The following ACTR3C variants were observed in gnomAD, a reference collection of about 807,000 sequenced individuals.
ACTR3C encodes actin-related protein 3C.
A neutral mutation model predicts 26.3 loss-of-function variants in ACTR3C; 18 were observed. The ratio of observed to expected loss-of-function variants is 0.68; its 90% CI spans 0.47 to 1.01. The LOEUF is 1.01. Ranked by LOEUF, ACTR3C falls within the 50% of genes least tolerant of loss-of-function variation. The probability of loss-of-function intolerance (pLI) is 0.00; values close to 1 mark genes in which losing one functional copy is unlikely to be tolerated. For synonymous variants in ACTR3C, 55 were observed against 94.5 expected (o/e 0.58, Z 2.42); for missense variants, 184 against 250.7 (o/e 0.73, Z 1.80).
chr7:150,155,188 G>A, the ACTR3C span, among the ~76,000 whole-genome samples: 3 of 152,156 alleles, frequency 2.0e-5, no homozygotes, highest in Non-Finnish European at 2.9e-5. Context: ...GAAAATAAAT[G>A]GGGAACAGAG....
At chr7:150,317,029 T>A (rs913953424) in intron 1 of ACTR3C, among the ~76,000 whole-genome samples, 1 of 152,054 alleles carries the variant, frequency 6.6e-6, no homozygotes, top group Admixed American at 6.6e-5. Flanking sequence ...TAATCTTTTT[T>A]ATTGTTAGTA....
chr7:150,279,545 T>C (rs1835146062), intron 6 of ACTR3C, among the ~76,000 whole-genome samples: 1 of 151,012 alleles, frequency 6.6e-6, no homozygotes, highest in African/African-American at 2.5e-5. Context: ...AAAGATATTT[T>C]ATTGCTGGTC....
chr7:150,034,870 G>T, the ACTR3C span, among the ~76,000 whole-genome samples: 14 of 143,138 alleles, frequency 9.8e-5, 2 homozygotes, highest in East Asian at 2.1e-4. Flanking sequence ...GGGAACAGGG[G>T]CTGGCTCTCA....
intron 3 of ACTR3C, among the ~76,000 whole-genome samples, chr7:150,291,079 C>A (rs549911751): frequency 6.6e-6 from 1 of 152,148 alleles, no homozygotes. Flanking sequence ...ATGAGACATT[C>A]CAATTGTGTT....
At chr7:150,042,430 T>TC in the ACTR3C span, among the ~76,000 whole-genome samples, 4 of 144,704 alleles carry the variant, frequency 2.8e-5, no homozygotes, top group Non-Finnish European at 4.5e-5. Flanking sequence ...GAGGGGTGCC[T>TC]CCTCCCCTGT....
chr7:150,017,270 G>A, the ACTR3C span, among the ~76,000 whole-genome samples: 2 of 151,498 alleles, frequency 1.3e-5, no homozygotes, highest in Non-Finnish European at 2.9e-5. Context: ...CCCAGCCTGC[G>A]CTATCTCGTG....
At chr7:150,183,696 C>CAA in the ACTR3C span, among the ~76,000 whole-genome samples, 268 of 47,390 alleles carry the variant, frequency 5.7e-3, 5 homozygotes, top group African/African-American at 6.2e-3. Context: ...GTGGCTATGG[C>CAA]AAAAAAAAAA....
At chr7:150,123,623 C>A in the ACTR3C span, among the ~76,000 whole-genome samples, 1 of 147,446 alleles carries the variant, frequency 6.8e-6, no homozygotes, top group Non-Finnish European at 1.5e-5. Flanking sequence ...AAACACACAC[C>A]CCTATTGGTA....
At chr7:149,940,347 C>T in the ACTR3C span, among the ~76,000 whole-genome samples, 1 of 151,998 alleles carries the variant, frequency 6.6e-6, no homozygotes, top group Admixed American at 6.6e-5. Context: ...GATTATGTAG[C>T]CTGCTGCCTG....
the ACTR3C span, among the ~76,000 whole-genome samples, chr7:150,225,004 AGTGTGTGTGT>A: frequency 8.7e-4 from 119 of 136,272 alleles, no homozygotes; most frequent in Non-Finnish European, 1.2e-3. Context: ...CACCCCCATT[AGTGTGTGTGT>A]GTGTGTGTGT....
chr7:150,225,686 C>A, the ACTR3C span, among the ~76,000 whole-genome samples: 1 of 152,226 alleles, frequency 6.6e-6, no homozygotes, highest in Admixed American at 6.5e-5. Context: ...TTGTGTAATG[C>A]ATTTTTAATA....
chr7:150,043,807 ATAGAG>A, the ACTR3C span, among the ~76,000 whole-genome samples: 1,634 of 152,332 alleles, frequency 0.011, 31 homozygotes, highest in Admixed American at 0.049. Flanking sequence ...AAGAAAAGTA[ATAGAG>A]TAGAGTATAT....
chr7:150,196,588 T>C, the ACTR3C span, among the ~76,000 whole-genome samples: 1 of 152,230 alleles, frequency 6.6e-6, no homozygotes. Flanking sequence ...GATTGCTTTG[T>C]CTCTTGCCTT....
chr7:150,041,907 A>C, the ACTR3C span, among the ~76,000 whole-genome samples: 1 of 96,378 alleles, frequency 1.0e-5, no homozygotes, highest in African/African-American at 3.1e-5. Flanking sequence ...GGGTCCTCAG[A>C]GCCAGGGGGG....
the ACTR3C span, among the ~76,000 whole-genome samples, chr7:150,097,223 G>A: frequency 6.6e-6 from 1 of 151,450 alleles, no homozygotes; most frequent in Non-Finnish European, 1.5e-5. Flanking sequence ...AGTGTCACAT[G>A]CGCTCAGCTT....
intron 6 of ACTR3C, among the ~76,000 whole-genome samples, chr7:150,252,738 T>G (rs1323618538): frequency 6.6e-6 from 1 of 152,112 alleles, no homozygotes; most frequent in East Asian, 1.9e-4. Context: ...GAAGTACCTT[T>G]CTATTAAAAC....
At chr7:150,313,566 C>T (rs1309295081) in intron 1 of ACTR3C, among the ~76,000 whole-genome samples, 1 of 152,202 alleles carries the variant, frequency 6.6e-6, no homozygotes, top group Non-Finnish European at 1.5e-5. Flanking sequence ...CCGGTTAGCT[C>T]TTCCTGAAAT....
intron 5 of ACTR3C, among the ~76,000 whole-genome samples, chr7:150,285,860 CTTAAGA>C (rs1584928305): frequency 6.6e-6 from 1 of 152,120 alleles, no homozygotes; most frequent in Non-Finnish European, 1.5e-5. Flanking sequence ...ATTTCTAATT[CTTAAGA>C]TTATCTAAAT....
chr7:150,048,945 G>A, the ACTR3C span, among the ~76,000 whole-genome samples: 2 of 152,138 alleles, frequency 1.3e-5, no homozygotes, highest in African/African-American at 4.8e-5. Context: ...GCGCCCCGCA[G>A]AGAGCCCGGC....
Sources: allele counts gnomAD v4.1 joint callset (sites outside exome capture counted in the v4.1 genomes callset), GRCh38; gene constraint gnomAD v4.1.1; transcripts MANE v1.5; gene names NCBI Gene and HGNC (gene_info 2026-07-23, HGNC 2026-07-21).